Variants in ST6GALNAC3 observed in about 807,000 individuals in gnomAD.
ST6GALNAC3 encodes the protein ST6 N-acetylgalactosaminide alpha-2,6-sialyltransferase 3.
ST6GALNAC3 carries 25 observed loss-of-function variants against 32.7 expected under a neutral mutation model. The ratio of observed to expected loss-of-function variants is 0.76; its 90% CI spans 0.56 to 1.07. The LOEUF is 1.07. Among genes scored for constraint, ST6GALNAC3 ranks in the 50% least tolerant of loss-of-function variants. ST6GALNAC3 has a pLI of 0.00. For synonymous variants in ST6GALNAC3, 129 were observed against 133.1 expected, an observed-to-expected ratio of 0.97 and a Z score of 0.21; for missense variants, 355 against 382.4, an observed-to-expected ratio of 0.93 and a Z score of 0.60.
chr1:76,082,566 TTC>T (rs1363287158), intron 1 of ST6GALNAC3, among the ~76,000 whole-genome samples: 1 of 152,236 alleles, frequency 6.6e-6, no homozygotes, highest in East Asian at 1.9e-4. Flanking sequence ...CTATTGCTGT[TTC>T]TCTCAATTCA....
At chr1:76,610,630 T>G (rs1647862077) in intron 3 of ST6GALNAC3, among the ~76,000 whole-genome samples, 1 of 152,118 alleles carries the variant, frequency 6.6e-6, no homozygotes, top group Non-Finnish European at 1.5e-5. Flanking sequence ...GATCCTGTTT[T>G]AAAAACACTT....
chr1:76,369,008 G>C (rs542552043), intron 2 of ST6GALNAC3, among the ~76,000 whole-genome samples: 25 of 152,244 alleles, frequency 1.6e-4, no homozygotes, highest in African/African-American at 5.1e-4. Context: ...GCACAATGCT[G>C]TCTATGCTCC....
intron 1 of ST6GALNAC3, among the ~76,000 whole-genome samples, chr1:76,310,167 C>G (rs1432256139): frequency 1.3e-5 from 2 of 152,092 alleles, no homozygotes; most frequent in East Asian, 1.9e-4. Context: ...TTGCAACAAG[C>G]TACCAAATGA....
At chr1:76,427,520 T>A (rs1211515800) in intron 3 of ST6GALNAC3, among the ~76,000 whole-genome samples, 1 of 151,940 alleles carries the variant, frequency 6.6e-6, no homozygotes, top group Non-Finnish European at 1.5e-5. Context: ...CATGGAAAAA[T>A]AAAAAAATTA....
At chr1:76,322,380 G>C (rs898703659) in intron 2 of ST6GALNAC3, among the ~76,000 whole-genome samples, 1 of 152,170 alleles carries the variant, frequency 6.6e-6, no homozygotes, top group Non-Finnish European at 1.5e-5. Flanking sequence ...GTAATTTAAA[G>C]AAGTGTTAAA....
chr1:76,256,806 A>G (rs373741583), intron 1 of ST6GALNAC3, among the ~76,000 whole-genome samples: 3 of 152,016 alleles, frequency 2.0e-5, no homozygotes, highest in African/African-American at 7.2e-5. Context: ...AACAGGATGA[A>G]TGGAATAGTG....
chr1:76,262,812 A>G (rs1023491947), intron 1 of ST6GALNAC3, among the ~76,000 whole-genome samples: 1 of 152,192 alleles, frequency 6.6e-6, no homozygotes, highest in Non-Finnish European at 1.5e-5. Context: ...GGAAACATGC[A>G]CGCACACATT....
At chr1:76,477,640 A>C (rs940694229) in intron 3 of ST6GALNAC3, among the ~76,000 whole-genome samples, 7 of 152,174 alleles carry the variant, frequency 4.6e-5, no homozygotes, top group Non-Finnish European at 8.8e-5. Flanking sequence ...CCCTGTGCCC[A>C]GAACAGAGCT....
At chr1:76,569,132 G>C (rs1665719389) in intron 3 of ST6GALNAC3, among the ~76,000 whole-genome samples, 1 of 152,050 alleles carries the variant, frequency 6.6e-6, no homozygotes, top group Admixed American at 6.6e-5. Flanking sequence ...TGAATGAAGG[G>C]CCATATACTG....
At chr1:76,465,095 G>A (rs1171549107) in intron 3 of ST6GALNAC3, among the ~76,000 whole-genome samples, 1 of 152,148 alleles carries the variant, frequency 6.6e-6, no homozygotes, top group Non-Finnish European at 1.5e-5. Context: ...GGAATTTGAG[G>A]GAAAAGGAGG....
rs368866779 is a variant in ST6GALNAC3 at position 76,155,277 on chromosome 1, C to A, written c.18+80393C>A. Among the ~76,000 whole-genome samples, 11 of 152,272 alleles carry A rather than the reference C, an allele frequency of 7.2e-5. 1 individual carries two copies. The South Asian group carries it at 1.0e-3, about 14-fold the overall frequency. ...GCAAATCTTGCCCCCCGACCCCCGTCTCCTCCATGCGCCTACACTGGAGCC... is the reference window on the plus strand; with the variant it reads ...GCAAATCTTGCCCCCCGACCCCCGTATCCTCCATGCGCCTACACTGGAGCC... On this transcript the variant is annotated intron_variant, in intron 1 of 4. Coordinates refer to ENST00000328299, the MANE Select transcript of ST6GALNAC3 (RefSeq NM_152996.4).
chr1:76,486,469 CATTATGTA>C (rs1442156260), intron 3 of ST6GALNAC3, among the ~76,000 whole-genome samples: 4 of 152,274 alleles, frequency 2.6e-5, no homozygotes, highest in Non-Finnish European at 5.9e-5. Flanking sequence ...ATCCCTTTAC[CATTATGTA>C]ATGGCCTTCT....
intron 1 of ST6GALNAC3, among the ~76,000 whole-genome samples, chr1:76,113,994 T>G (rs911336951): frequency 1.4e-5 from 2 of 147,010 alleles, no homozygotes; most frequent in Non-Finnish European, 3.0e-5. Context: ...CCGGCTAATT[T>G]TTTTTTTTTT....
chr1:76,127,392 A>G (rs1337686786), intron 1 of ST6GALNAC3, among the ~76,000 whole-genome samples: 1 of 152,238 alleles, frequency 6.6e-6, no homozygotes, highest in Non-Finnish European at 1.5e-5. Context: ...GATGAGGTGC[A>G]TGGTAGGAAG....
intron 1 of ST6GALNAC3, among the ~76,000 whole-genome samples, chr1:76,087,345 C>G (rs1333973335): frequency 6.6e-6 from 1 of 152,160 alleles, no homozygotes; most frequent in East Asian, 1.9e-4. Context: ...TTAAAGGGAT[C>G]TGGGTTTGAC....
At chr1:76,235,652 G>A (rs1557716212) in intron 1 of ST6GALNAC3, among the ~76,000 whole-genome samples, 1 of 150,402 alleles carries the variant, frequency 6.6e-6, no homozygotes, top group Non-Finnish European at 1.5e-5. Context: ...TTTAAATTGG[G>A]AATCATAGGA....
intron 3 of ST6GALNAC3, among the ~76,000 whole-genome samples, chr1:76,614,182 T>A (rs1332692266): frequency 1.3e-5 from 2 of 152,236 alleles, no homozygotes; most frequent in Non-Finnish European, 2.9e-5. Context: ...AAAGTAGCCC[T>A]TTACTGGCAA....
At chr1:76,408,701 A>G (rs1441004511) in intron 2 of ST6GALNAC3, among the ~76,000 whole-genome samples, 1 of 152,224 alleles carries the variant, frequency 6.6e-6, no homozygotes, top group South Asian at 2.1e-4. Context: ...CATTATAATG[A>G]CTAGGAAATC....
At chr1:76,100,855 A>G (rs542696194) in intron 1 of ST6GALNAC3, among the ~76,000 whole-genome samples, 23 of 151,316 alleles carry the variant, frequency 1.5e-4, no homozygotes, top group South Asian at 1.5e-3. Context: ...AAATTTTTTA[A>G]TGGACATTTT....
Sources: gnomAD v4.1 joint callset for allele counts (sites outside exome capture counted in the v4.1 genomes callset) on GRCh38, gnomAD v4.1.1 for gene constraint, MANE v1.5 for transcripts, NCBI Gene and HGNC (gene_info 2026-07-23, HGNC 2026-07-21) for gene names.